The following UVRAG variants were observed in gnomAD, a reference collection of about 807,000 sequenced individuals.
UVRAG encodes the protein UV radiation resistance-associated gene protein.
In UVRAG, 19 loss-of-function variants were observed where a neutral mutation model predicts 78.0. The observed-to-expected ratio is 0.24, with a 90% CI of 0.17 to 0.36. The LOEUF is 0.36. Among genes scored for constraint, UVRAG ranks in the 10% least tolerant of loss-of-function variants. UVRAG has a pLI of 1.00. For missense variants in UVRAG, 740 were observed against 853.8 expected (o/e 0.87, Z 1.66); for synonymous variants, 323 against 324.6 (o/e 1.00, Z 0.05).
At chr11:75,897,933 G>A (rs565862626) in intron 5 of UVRAG, among the ~76,000 whole-genome samples, 3 of 141,838 alleles carry the variant, frequency 2.1e-5, no homozygotes, top group African/African-American at 8.1e-5. Flanking sequence ...GCAGTGGCGC[G>A]ATCTCGGCTC....
chr11:75,986,706 C>A (rs144574919), intron 8 of UVRAG, among the ~76,000 whole-genome samples: 1 of 152,204 alleles, frequency 6.6e-6, no homozygotes, highest in African/African-American at 2.4e-5. Flanking sequence ...GCAGTGATCA[C>A]CACAATCTGA....
chr11:76,063,901 G>T (rs899206858), intron 12 of UVRAG, among the ~76,000 whole-genome samples: 2 of 152,154 alleles, frequency 1.3e-5, no homozygotes. Context: ...ATAAATACAT[G>T]TACTTTTGTA....
intron 13 of UVRAG, among the ~76,000 whole-genome samples, chr11:76,107,295 C>T (rs561021488): frequency 1.4e-4 from 21 of 152,202 alleles, no homozygotes; most frequent in African/African-American, 5.1e-4. Flanking sequence ...AAGGGTAGAA[C>T]TTGGCAGACT....
chr11:75,919,426 T>C (rs1306010795), intron 6 of UVRAG, among the ~76,000 whole-genome samples: 1 of 152,170 alleles, frequency 6.6e-6, no homozygotes, highest in Non-Finnish European at 1.5e-5. Flanking sequence ...TTAAGAGGAT[T>C]ACTGTTAAAA....
intron 6 of UVRAG, 29 bp from the exon 7 acceptor site, chr11:75,961,415 T>G: frequency 6.4e-7 from 1 of 1,556,360 alleles, no homozygotes; most frequent in Non-Finnish European, 8.7e-7. Context: ...GTTAACTCAT[T>G]TACATTTTTC....
At chr11:75,820,538 A>C (rs1945364711) in intron 1 of UVRAG, among the ~76,000 whole-genome samples, 1 of 151,932 alleles carries the variant, frequency 6.6e-6, no homozygotes, top group Admixed American at 6.6e-5. Context: ...TATTTTTGGT[A>C]GAGATGAGGT....
intron 1 of UVRAG, among the ~76,000 whole-genome samples, chr11:75,830,425 A>G (rs1389240094): frequency 6.6e-6 from 1 of 152,068 alleles, no homozygotes; most frequent in Non-Finnish European, 1.5e-5. Context: ...GCATGCCACC[A>G]TGCCCGGCTA....
In UVRAG at chr11:76,116,004, A is replaced by G. The variant is rs915017760; in HGVS notation, c.1386A>G (p.Leu462=). ...TGAAAAACTTCATGGAGCATGGACT[A>G]ATGGTCAGGTGGTGAGTACCTTTAT... is the stretch of plus-strand genomic sequence containing the variant. ...PNLKNFMEHG[L]MVRCDRHHTS... The change falls in exon 14 of 15, where the codon CTA becomes CTG. Residue 462 remains leucine (L), a synonymous_variant. Coordinates refer to ENST00000356136, the MANE Select transcript of UVRAG (RefSeq NM_003369.4). 8 of 1,613,668 alleles carry G rather than the reference A, an allele frequency of 5.0e-6. No individual in the cohort carries two copies. Among genetic ancestry groups the G allele is most frequent in the Non-Finnish European group, 6.8e-6 (8 of 1,179,780 alleles).
intron 8 of UVRAG, among the ~76,000 whole-genome samples, chr11:75,998,359 T>A (rs1279727056): frequency 6.6e-6 from 1 of 152,144 alleles, no homozygotes; most frequent in Non-Finnish European, 1.5e-5. Context: ...GAATGAGACC[T>A]AGTTGAATAA....
chr11:75,828,799 A>AT (rs1183493611), intron 1 of UVRAG, among the ~76,000 whole-genome samples: 1,647 of 79,920 alleles, frequency 0.021, 40 homozygotes, highest in Non-Finnish European at 0.035. Flanking sequence ...ATATATATAT[A>AT]TATATATTTT....
intron 12 of UVRAG, among the ~76,000 whole-genome samples, chr11:76,040,290 A>G (rs1950620469): frequency 5.3e-5 from 8 of 151,614 alleles, no homozygotes; most frequent in Admixed American, 3.9e-4. Flanking sequence ...TGGCTAACAC[A>G]GTGAAACCCC....
intron 5 of UVRAG, among the ~76,000 whole-genome samples, chr11:75,898,780 T>C (rs1427092962): frequency 6.6e-6 from 1 of 152,206 alleles, no homozygotes; most frequent in Non-Finnish European, 1.5e-5. Context: ...ATTTTCATTT[T>C]CAGGATGAAG....
In UVRAG at chr11:76,004,010, G is replaced by A. The variant is rs376553699; in HGVS notation, c.832G>A (p.Ala278Thr). 1.9e-6 allele frequency: 3 copies of A among 1,613,564 alleles called. No homozygotes were observed. The highest frequency in any genetic ancestry group is 2.2e-5 in the East Asian group (1 of 44,862). The change falls in exon 9 of 15, where the codon GCA becomes ACA. Residue 278 changes from alanine to threonine, a missense_variant. By Grantham distance (58) the Ala-to-Thr change is moderately conservative. Transcript: ENST00000356136. ...CTCCTTCCTTTTCTTTCTAGGAAGT[G>A]CATTTTCAGCTGAGCACCTCAAACT... is the stretch of plus-strand genomic sequence containing the variant. The part of the protein sequence containing the change: ...QQIALQDKGS[A>T]FSAEHLKLQL...
intron 9 of UVRAG, among the ~76,000 whole-genome samples, chr11:76,006,166 ACT>A (rs796136987): frequency 3.9e-5 from 6 of 152,148 alleles, no homozygotes; most frequent in African/African-American, 1.2e-4. Context: ...AGCAAAAGAC[ACT>A]CTTATCGCTC....
At chr11:75,878,866 A>G (rs1946873487) in intron 3 of UVRAG, among the ~76,000 whole-genome samples, 1 of 127,602 alleles carries the variant, frequency 7.8e-6, no homozygotes. Flanking sequence ...AGAGAGAGAG[A>G]GAGACCGTGG....
At chr11:76,067,036 T>G (rs2134385010) in intron 13 of UVRAG, among the ~76,000 whole-genome samples, 1 of 152,232 alleles carries the variant, frequency 6.6e-6, no homozygotes, top group Non-Finnish European at 1.5e-5. Context: ...GAATTATTCC[T>G]CTATGTGGTG....
chr11:76,058,592 C>T (rs185392324), intron 12 of UVRAG, among the ~76,000 whole-genome samples: 1 of 150,808 alleles, frequency 6.6e-6, no homozygotes, highest in Admixed American at 6.6e-5. Context: ...TAATTTTGGT[C>T]ACTTCTTTAA....
chr11:75,989,386 A>C (rs1949562859), intron 8 of UVRAG, among the ~76,000 whole-genome samples: 1 of 152,058 alleles, frequency 6.6e-6, no homozygotes, highest in Non-Finnish European at 1.5e-5. Flanking sequence ...CACCCTCTGC[A>C]TTGTGGCCTG....
intron 6 of UVRAG, among the ~76,000 whole-genome samples, chr11:75,920,008 G>GTTTTTTGTTTTTT (rs1947941022): frequency 3.6e-5 from 2 of 55,492 alleles, no homozygotes; most frequent in Admixed American, 3.6e-4. Context: ...AATAATTTTG[G>GTTTTTTGTTTTTT]TTTTTTTTTT....
Sources: allele counts gnomAD v4.1 joint callset (sites outside exome capture counted in the v4.1 genomes callset), GRCh38; gene constraint gnomAD v4.1.1; transcripts MANE v1.5; gene names NCBI Gene and HGNC (gene_info 2026-07-23, HGNC 2026-07-21).